RPH3A: variants seen among roughly 807,000 people sequenced by gnomAD.
The protein encoded by RPH3A is rabphilin 3A.
Under a neutral mutation model 102.2 loss-of-function variants are expected in RPH3A, and 48 were observed. That is an observed-to-expected ratio of 0.47 (90% CI 0.37 to 0.60). The LOEUF (loss-of-function observed/expected upper bound fraction) is 0.60. Among genes scored for constraint, RPH3A ranks in the 20% least tolerant of loss-of-function variants. The pLI is 0.00. For missense variants in RPH3A, 781 were observed against 910.1 expected (o/e 0.86, Z 1.83); for synonymous variants, 310 against 324.3 (o/e 0.96, Z 0.47).
At chr12:112,889,403 G>T (rs965823905) in intron 17 of RPH3A, among the ~76,000 whole-genome samples, 1 of 152,230 alleles carries the variant, frequency 6.6e-6, no homozygotes, top group Non-Finnish European at 1.5e-5. Flanking sequence ...CCAGAGGGCT[G>T]CAGCAGCCGC....
At chr12:112,663,405 G>T (rs1056948286) in intron 1 of RPH3A, among the ~76,000 whole-genome samples, 2 of 151,928 alleles carry the variant, frequency 1.3e-5, no homozygotes, top group Non-Finnish European at 2.9e-5. Flanking sequence ...GTAAAGATGG[G>T]TTTTTGCCAT....
intron 2 of RPH3A, among the ~76,000 whole-genome samples, chr12:112,793,364 C>T (rs2041162811): frequency 6.6e-6 from 1 of 152,196 alleles, no homozygotes; most frequent in Non-Finnish European, 1.5e-5. Flanking sequence ...GTTCTGCACC[C>T]CCAAGGATTT....
At chr12:112,695,538 G>A (rs1370888299) in intron 1 of RPH3A, among the ~76,000 whole-genome samples, 1 of 152,234 alleles carries the variant, frequency 6.6e-6, no homozygotes, top group Non-Finnish European at 1.5e-5. Flanking sequence ...TGGATCTTAA[G>A]CCAAGTCTGA....
intron 1 of RPH3A, among the ~76,000 whole-genome samples, chr12:112,715,431 C>T (rs1297878295): frequency 6.6e-6 from 1 of 152,170 alleles, no homozygotes; most frequent in Non-Finnish European, 1.5e-5. Flanking sequence ...CTCTACCCCT[C>T]TCCACTCAAA....
chr12:112,610,455 G>A (rs560695824), intron 1 of RPH3A, among the ~76,000 whole-genome samples: 1 of 148,226 alleles, frequency 6.7e-6, no homozygotes, highest in South Asian at 2.2e-4. Context: ...GGGAGCAGAG[G>A]TTGCACTACT....
intron 16 of RPH3A, among the ~76,000 whole-genome samples, chr12:112,884,325 A>T (rs1336638550): frequency 6.6e-6 from 1 of 152,142 alleles, no homozygotes; most frequent in Non-Finnish European, 1.5e-5. Context: ...CTCCTTTTGT[A>T]TATTCTATCT....
intron 1 of RPH3A, among the ~76,000 whole-genome samples, chr12:112,713,219 AC>A (rs773615063): frequency 1.5e-4 from 23 of 151,768 alleles, no homozygotes; most frequent in Non-Finnish European, 2.9e-4. Flanking sequence ...GGCATAAGCC[AC>A]CATGCCTGAC....
At position 112,713,008 on chromosome 12, in the gene RPH3A, T is replaced by G. The variant is rs1565857138; in HGVS notation, c.-139-79135T>G. 2.1e-3 allele frequency among the ~76,000 whole-genome samples: 154 copies of G among 74,428 alleles called. 11 individuals carry two copies. The highest frequency in any genetic ancestry group is 6.5e-3 in the South Asian group (10 of 1,532). 48.8% of individuals were successfully genotyped at this position (74,428 alleles called of 152,430 possible). On this transcript the variant is annotated intron_variant, in intron 1 of 21. Coordinates refer to the RPH3A transcript ENST00000543106. ...CGTCGTCTTTGTCTTCCTCTTCCTCTTCCTCTTCCTCTTCCTCTTCTTCTT... is the reference window on the plus strand; with the variant it reads ...CGTCGTCTTTGTCTTCCTCTTCCTCGTCCTCTTCCTCTTCCTCTTCTTCTT...
chr12:112,810,005 T>C (rs530358560), intron 2 of RPH3A, among the ~76,000 whole-genome samples: 14 of 152,212 alleles, frequency 9.2e-5, no homozygotes, highest in Non-Finnish European at 1.8e-4. Flanking sequence ...ATGGCTTCGG[T>C]ATCCCCAGAT....
intron 1 of RPH3A, among the ~76,000 whole-genome samples, chr12:112,767,648 G>A (rs1411285783): frequency 2.0e-5 from 3 of 152,268 alleles, no homozygotes; most frequent in Middle Eastern, 3.4e-3. Context: ...CCCCTCTCTG[G>A]TTTGTCCTTG....
intron 1 of RPH3A, among the ~76,000 whole-genome samples, chr12:112,717,726 ATT>A (rs58732893): frequency 4.7e-4 from 64 of 137,480 alleles, no homozygotes; most frequent in Middle Eastern, 3.7e-3. Context: ...ATAGGTTTTC[ATT>A]TTTTTTTTTT....
At chr12:112,723,976 A>G (rs1415136642) in intron 1 of RPH3A, among the ~76,000 whole-genome samples, 1 of 152,200 alleles carries the variant, frequency 6.6e-6, no homozygotes, top group Non-Finnish European at 1.5e-5. Context: ...TTATGGTAAC[A>G]AATGATAAAA....
chr12:112,862,562 A>T (rs1311549276), intron 5 of RPH3A, among the ~76,000 whole-genome samples: 1 of 152,218 alleles, frequency 6.6e-6, no homozygotes, highest in Non-Finnish European at 1.5e-5. Context: ...TGCCCCCTCC[A>T]ATCATCCTAT....
intron 5 of RPH3A, among the ~76,000 whole-genome samples, chr12:112,857,846 A>C (rs1254638163): frequency 6.6e-6 from 1 of 151,930 alleles, no homozygotes; most frequent in Non-Finnish European, 1.5e-5. Context: ...GTTTCAAAAG[A>C]CTTGCTCAGC....
intron 2 of RPH3A, among the ~76,000 whole-genome samples, chr12:112,820,584 G>C (rs1020954872): frequency 6.6e-6 from 1 of 152,180 alleles, no homozygotes; most frequent in Admixed American, 6.5e-5. Flanking sequence ...GCCATCCACT[G>C]CAAGCATTTA....
chr12:112,842,551 G>A (rs932464601), intron 4 of RPH3A, among the ~76,000 whole-genome samples: 2 of 152,198 alleles, frequency 1.3e-5, no homozygotes, highest in African/African-American at 2.4e-5. Flanking sequence ...TTAGGTTACT[G>A]TATCTTCATA....
intron 1 of RPH3A, among the ~76,000 whole-genome samples, chr12:112,586,056 A>AG (rs2039437087): frequency 6.6e-6 from 1 of 152,186 alleles, no homozygotes; most frequent in South Asian, 2.1e-4. Flanking sequence ...TGTAAAAAGA[A>AG]GAAAAAAATC....
chr12:112,617,750 A>C (rs2039692388), intron 1 of RPH3A: 1 of 152,024 alleles, frequency 6.6e-6, no homozygotes, highest in African/African-American at 2.4e-5. Context: ...CCCAGGCTGG[A>C]CTGCAGTGGC....
At position 112,718,723 on chromosome 12, in the gene RPH3A, A is replaced by G. The variant is rs1289178235; in HGVS notation, c.-139-73420A>G. Among the ~76,000 whole-genome samples the G allele has an allele frequency of 2.0e-5, 3 of 152,352 alleles. No homozygotes were observed. The East Asian group carries it at 5.8e-4, about 29-fold the overall frequency. On this transcript the variant is annotated intron_variant, in intron 1 of 21. Coordinates refer to the RPH3A transcript ENST00000543106. Reference sequence around the variant, plus strand: ...ATGCAGGGGTGGCAAAGAAAGCAACATGTGATTCTCTCATTCCAACTTCAA... The same window carrying G: ...ATGCAGGGGTGGCAAAGAAAGCAACGTGTGATTCTCTCATTCCAACTTCAA...
Sources: gnomAD v4.1 joint callset for allele counts (sites outside exome capture counted in the v4.1 genomes callset) on GRCh38, gnomAD v4.1.1 for gene constraint, MANE v1.5 for transcripts, NCBI Gene and HGNC (gene_info 2026-07-23, HGNC 2026-07-21) for gene names.